Variants in PLCH1 observed in about 807,000 individuals in gnomAD.
PLCH1 encodes the protein 1-phosphatidylinositol 4,5-bisphosphate phosphodiesterase eta-1.
Under a neutral mutation model 126.7 loss-of-function variants are expected in PLCH1, and 60 were observed. The observed-to-expected ratio is 0.47, with a 90% CI of 0.38 to 0.59. The LOEUF (loss-of-function observed/expected upper bound fraction) is 0.59. Among genes scored for constraint, PLCH1 ranks in the 20% least tolerant of loss-of-function variants. PLCH1 has a pLI of 0.00. For synonymous variants in PLCH1, 719 were observed against 734.9 expected, an observed-to-expected ratio of 0.98 and a Z score of 0.35; for missense variants, 1,723 against 2,040.0, an observed-to-expected ratio of 0.84 and a Z score of 2.99.
At chr3:155,635,069 G>A (rs1239097379) in intron 2 of PLCH1, among the ~76,000 whole-genome samples, 2 of 151,910 alleles carry the variant, frequency 1.3e-5, no homozygotes, top group African/African-American at 2.4e-5. Context: ...ATGAATTAAT[G>A]TAAGAAAAGT....
intron 21 of PLCH1, among the ~76,000 whole-genome samples, chr3:155,470,318 G>A (rs1042479018): frequency 1.3e-5 from 2 of 152,198 alleles, no homozygotes; most frequent in African/African-American, 4.8e-5. Flanking sequence ...CTGGAAGAAA[G>A]GGTATCAGCG....
chr3:155,622,246 G>A (rs1456947043), intron 2 of PLCH1, among the ~76,000 whole-genome samples: 1 of 152,154 alleles, frequency 6.6e-6, no homozygotes, highest in African/African-American at 2.4e-5. Context: ...TGTCTTACAA[G>A]AGCTCCTGAA....
chr3:155,549,768 C>A lies in PLCH1; in HGVS notation c.1362+19G>T, dbSNP rs781625560. ...AGCTGATAATGAATGTCTTTTATTGCATTACTTGAAGTAATTACCTTCACT... is the reference window on the plus strand; with the variant it reads ...AGCTGATAATGAATGTCTTTTATTGAATTACTTGAAGTAATTACCTTCACT... On this transcript the variant is annotated intron_variant, in intron 10 of 22. Coordinates refer to ENST00000460012, the MANE Select transcript of PLCH1 (RefSeq NM_014996.4). 8.2e-6 allele frequency: 13 copies of A among 1,578,752 alleles called. No individual in the cohort carries two copies. The highest frequency in any genetic ancestry group is 1.1e-5 in the Non-Finnish European group (13 of 1,150,718).
At chr3:155,571,040 T>A (rs74709270) in intron 6 of PLCH1, among the ~76,000 whole-genome samples, 6,759 of 152,280 alleles carry the variant, frequency 0.044, 217 homozygotes, top group Middle Eastern at 0.1. Context: ...AAACAAGTTG[T>A]AGAAACTAGT....
intron 1 of PLCH1, among the ~76,000 whole-genome samples, chr3:155,727,768 C>G (rs1423760254): frequency 6.6e-6 from 1 of 152,114 alleles, no homozygotes; most frequent in African/African-American, 2.4e-5. Flanking sequence ...AGATGCATAC[C>G]TGTATTAGAG....
At position 155,594,010 on chromosome 3, in the gene PLCH1, C is replaced by G; in HGVS notation, c.401G>C (p.Gly134Ala). 5 of 1,614,008 alleles carry G rather than the reference C, an allele frequency of 3.1e-6. No individual in the cohort carries two copies. Among genetic ancestry groups the G allele is most frequent in the Non-Finnish European group, 4.2e-6 (5 of 1,179,986 alleles). Residue 134 changes from glycine (G) to alanine (A), a missense_variant, in exon 4 of 23, where the codon GGC becomes GCC. By Grantham distance (60) the Gly-to-Ala change is moderately conservative. Transcript: ENST00000460012. ...GATGCCAGCCATCAGGTACTTGAGG[C>G]CTGTGATCCAGGTGCGGGCCTCCTC... ...NPEEARTWIT[G>A]LKYLMAGISD...
At chr3:155,490,185 G>A (rs142460028) in intron 19 of PLCH1, among the ~76,000 whole-genome samples, 143 of 152,204 alleles carry the variant, frequency 9.4e-4, no homozygotes, top group African/African-American at 3.3e-3. Context: ...GGAAAAATAG[G>A]TATACAATAA....
At chr3:155,689,449 C>G (rs1318967502) in intron 2 of PLCH1, among the ~76,000 whole-genome samples, 1 of 151,952 alleles carries the variant, frequency 6.6e-6, no homozygotes, top group Non-Finnish European at 1.5e-5. Context: ...CACCAGGGAC[C>G]AATTCTGGAG....
intron 1 of PLCH1, among the ~76,000 whole-genome samples, chr3:155,705,002 C>T (rs1577346371): frequency 1.3e-5 from 2 of 152,284 alleles, no homozygotes; most frequent in East Asian, 3.9e-4. Flanking sequence ...ACGTGCATAA[C>T]CCTGAACAAG....
chr3:155,481,275 C>G lies in PLCH1; in HGVS notation c.4751G>C (p.Arg1584Pro), dbSNP rs1261012816. Residue 1584 changes from arginine (R) to proline (P), a missense_variant, in exon 23 of 23, where the codon CGT (arginine) becomes CCT (proline). Physicochemically the swap from Arg to Pro is moderately radical, Grantham distance 103 (BLOSUM62 -2). Around this residue, in one of 2 missense-constraint regions of PLCH1, gnomAD observed 947 missense variants for 977.1 expected, o/e 0.97. Coordinates refer to ENST00000460012, the MANE Select transcript of PLCH1 (RefSeq NM_014996.4). This position sits in a 1 kb window ranked among gnomAD's most constrained non-coding sequence, Gnocchi z 4.2. ...GTTGGCTTCCTGTTTCTCCTTGGCA[C>G]GACTAGCAATATTGCGCACTCTGCT... ...SQSRVRNIASRAKEKQEANKQ... is the reference protein window; with the variant it reads ...SQSRVRNIASPAKEKQEANKQ... 2 of 1,614,204 alleles carry G rather than the reference C, an allele frequency of 1.2e-6. No homozygotes were observed. Among genetic ancestry groups the G allele is most frequent in the Non-Finnish European group, 1.7e-6 (2 of 1,180,046 alleles).
rs114185468 is a variant in PLCH1 at position 155,603,752 on chromosome 3, A to C, written c.80-7374T>G. ...ATTTTAAAGAAAGAAACTGATTAAC[A>C]TCTGGGTGTCTTACTACAGACATGA... On this transcript the variant is annotated intron_variant, in intron 2 of 22. Coordinates refer to ENST00000460012, the MANE Select transcript of PLCH1 (RefSeq NM_014996.4). Among the ~76,000 whole-genome samples, 1,327 of 152,300 alleles carry C rather than the reference A, an allele frequency of 8.7e-3. 14 individuals carry two copies. The highest frequency in any genetic ancestry group is 0.031 in the African/African-American group (1,274 of 41,550).
intron 1 of PLCH1, among the ~76,000 whole-genome samples, chr3:155,722,672 C>T (rs987287948): frequency 7.9e-5 from 12 of 152,242 alleles, no homozygotes; most frequent in South Asian, 2.1e-4. Context: ...GTATGAAACC[C>T]GCTTGATCAT....
At chr3:155,554,545 ACTTCTT>A (rs10588794) in intron 8 of PLCH1, among the ~76,000 whole-genome samples, 12 of 151,168 alleles carry the variant, frequency 7.9e-5, no homozygotes, top group Non-Finnish European at 1.3e-4. Context: ...ACCCAATTTC[ACTTCTT>A]CTTCTTCTTC....
At chr3:155,484,117 C>G (rs1200682860) in intron 22 of PLCH1, among the ~76,000 whole-genome samples, 1 of 152,012 alleles carries the variant, frequency 6.6e-6, no homozygotes, top group Non-Finnish European at 1.5e-5. Flanking sequence ...TGCAACATAA[C>G]TATGTATTGT....
chr3:155,552,118 C>T (rs1404889461), intron 9 of PLCH1, among the ~76,000 whole-genome samples: 1 of 152,178 alleles, frequency 6.6e-6, no homozygotes, highest in Non-Finnish European at 1.5e-5. Context: ...TTTTTAACCT[C>T]ATGTTTAATT....
chr3:155,483,483 T>A, intron 22 of PLCH1: 1 of 547,076 alleles, frequency 1.8e-6, no homozygotes, highest in East Asian at 3.4e-5. Context: ...ATACATGTAT[T>A]AGTTAAAACA....
chr3:155,704,064 T>C, intron 2 of PLCH1, 82 bp downstream of exon 2: 1 of 521,918 alleles, frequency 1.9e-6, no homozygotes, highest in Admixed American at 4.4e-5. Flanking sequence ...TTATACCATA[T>C]TTGCATCTAG....
chr3:155,468,226 T>C (rs1016775361), intron 21 of PLCH1, among the ~76,000 whole-genome samples: 1 of 152,154 alleles, frequency 6.6e-6, no homozygotes, highest in Non-Finnish European at 1.5e-5. Context: ...AGCCTCATGG[T>C]AACCTCAAAG....
intron 21 of PLCH1, among the ~76,000 whole-genome samples, chr3:155,471,698 G>A (rs1255916224): frequency 4.0e-5 from 6 of 149,776 alleles, no homozygotes; most frequent in Non-Finnish European, 8.9e-5. Context: ...CTCAGCAAAT[G>A]TAAAAGAACA....
Sources: allele counts gnomAD v4.1 joint callset (sites outside exome capture counted in the v4.1 genomes callset), GRCh38; gene constraint gnomAD v4.1.1; regional missense constraint gnomAD v4.1.1; non-coding constraint Gnocchi (gnomAD v3.1); transcripts MANE v1.5; gene names NCBI Gene and HGNC (gene_info 2026-07-23, HGNC 2026-07-21).